Variants in MAPRE1 observed in about 807,000 individuals in gnomAD.
MAPRE1 encodes the protein microtubule-associated protein RP/EB family member 1.
A neutral mutation model predicts 32.1 loss-of-function variants in MAPRE1; 5 were observed. That is an observed-to-expected ratio of 0.16 (90% CI 0.08 to 0.33). The LOEUF (loss-of-function observed/expected upper bound fraction) is 0.33. Ranked by LOEUF, MAPRE1 falls within the 10% of genes least tolerant of loss-of-function variation. MAPRE1 has a pLI of 1.00. For synonymous variants in MAPRE1, 122 were observed against 118.9 expected (o/e 1.03, Z -0.17); for missense variants, 209 against 327.2 (o/e 0.64, Z 2.79).
At chr20:32,835,439 T>A (rs1358706040) in intron 3 of MAPRE1, among the ~76,000 whole-genome samples, 2 of 141,556 alleles carry the variant, frequency 1.4e-5, no homozygotes, top group East Asian at 4.9e-4. Context: ...CAAGCAGTCC[T>A]CAAGATAGCT....
intron 6 of MAPRE1, among the ~76,000 whole-genome samples, chr20:32,848,431 C>T (rs1983563768): frequency 6.6e-6 from 1 of 152,160 alleles, no homozygotes; most frequent in Non-Finnish European, 1.5e-5. Flanking sequence ...GAAATTACCA[C>T]CATAATGAAG....
In MAPRE1 at chr20:32,836,309, C is replaced by T. The variant is rs368887340; in HGVS notation, c.268-325C>T. On this transcript the variant is annotated intron_variant, in intron 3 of 6. Transcript: ENST00000375571. ...CCATGCAAGTTATATAGCGGACCTA[C>T]TCTTTATAGCATAATGCACTTTTGT... Among the ~76,000 whole-genome samples the T allele has an allele frequency of 6.6e-5, 10 of 152,226 alleles. No homozygotes were observed. In the East Asian group the frequency reaches 1.5e-3, roughly 23 times the overall value.
intron 1 of MAPRE1, among the ~76,000 whole-genome samples, chr20:32,822,685 G>A (rs1982735933): frequency 6.6e-6 from 1 of 152,088 alleles, no homozygotes. Flanking sequence ...GGTACATTGA[G>A]TTTAAGTAAC....
intron 2 of MAPRE1, among the ~76,000 whole-genome samples, chr20:32,832,493 GTCTC>G (rs1216619598): frequency 6.8e-6 from 1 of 146,032 alleles, no homozygotes; most frequent in South Asian, 2.1e-4. Flanking sequence ...TTGAGACGAG[GTCTC>G]TCTCTGTCCC....
intron 5 of MAPRE1, 92 bp downstream of exon 5, chr20:32,839,948 C>G (rs771422902): frequency 6.5e-7 from 1 of 1,547,936 alleles, no homozygotes; most frequent in Admixed American, 1.8e-5. Context: ...TAAATGAACA[C>G]CTGCCTTGTT....
intron 3 of MAPRE1, among the ~76,000 whole-genome samples, chr20:32,834,472 AATAG>A (rs1983129508): frequency 6.6e-6 from 1 of 151,568 alleles, no homozygotes; most frequent in Non-Finnish European, 1.5e-5. Flanking sequence ...TTTAGTAGAT[AATAG>A]ATTAAGTAGT....
At chr20:32,845,253 C>A (rs1438257667) in intron 5 of MAPRE1, among the ~76,000 whole-genome samples, 1 of 152,164 alleles carries the variant, frequency 6.6e-6, no homozygotes, top group East Asian at 1.9e-4. Context: ...GTTGCCCAGG[C>A]TGGTCTCAAG....
At chr20:32,839,052 A>C (rs541261143) in intron 4 of MAPRE1, among the ~76,000 whole-genome samples, 8 of 152,308 alleles carry the variant, frequency 5.3e-5, no homozygotes, top group Non-Finnish European at 7.4e-5. Context: ...ACGTCTATAA[A>C]TACTAGTCAG....
intron 6 of MAPRE1, among the ~76,000 whole-genome samples, chr20:32,847,289 T>C (rs936377967): frequency 6.6e-6 from 1 of 152,258 alleles, no homozygotes; most frequent in East Asian, 1.9e-4. Context: ...GATCCATGTT[T>C]ATTGCACAGT....
intron 5 of MAPRE1, among the ~76,000 whole-genome samples, chr20:32,841,019 T>A (rs1255749351): frequency 6.6e-6 from 1 of 152,080 alleles, no homozygotes; most frequent in Non-Finnish European, 1.5e-5. Flanking sequence ...TTTCACCATA[T>A]TGGCCAGGCT....
chr20:32,836,145 G>A (rs2146131821), intron 3 of MAPRE1, among the ~76,000 whole-genome samples: 1 of 152,116 alleles, frequency 6.6e-6, no homozygotes, highest in South Asian at 2.1e-4. Context: ...ATTTTTGGTA[G>A]AGCCTAGGTG....
chr20:32,834,003 A>G, intron 3 of MAPRE1, 141 bp downstream of exon 3: 1 of 778,570 alleles, frequency 1.3e-6, no homozygotes, highest in Non-Finnish European at 1.9e-6. Context: ...CACAGAATTT[A>G]CTGGGAGCAG....
chr20:32,840,026 A>AAG (rs1983317116), intron 5 of MAPRE1, among the ~76,000 whole-genome samples, 170 bp downstream of exon 5: 1 of 152,172 alleles, frequency 6.6e-6, no homozygotes, highest in Non-Finnish European at 1.5e-5. Flanking sequence ...GTGGAGATGT[A>AAG]AGAGAGAGAT....
chr20:32,840,085 C>T (rs980535319), intron 5 of MAPRE1, among the ~76,000 whole-genome samples: 2 of 152,164 alleles, frequency 1.3e-5, no homozygotes, highest in African/African-American at 4.8e-5. Context: ...TGCTCGGAAG[C>T]CAGTGCTTAG....
At chr20:32,840,315 G>A (rs1158305505) in intron 5 of MAPRE1, among the ~76,000 whole-genome samples, 4 of 152,068 alleles carry the variant, frequency 2.6e-5, no homozygotes, top group African/African-American at 9.7e-5. Context: ...TGGGTGATTC[G>A]AAATGTCTTC....
intron 2 of MAPRE1, among the ~76,000 whole-genome samples, chr20:32,830,499 G>A (rs912103565): frequency 2.0e-5 from 3 of 152,136 alleles, no homozygotes; most frequent in Middle Eastern, 3.2e-3. Context: ...CAGTGTCCCA[G>A]GCCTGAGAAG....
intron 2 of MAPRE1, among the ~76,000 whole-genome samples, chr20:32,826,961 C>T (rs949977286): frequency 5.3e-5 from 8 of 152,182 alleles, no homozygotes; most frequent in African/African-American, 9.7e-5. Context: ...TATTTGAGGA[C>T]AGTAATTGTA....
Position 32,839,785 on chromosome 20 carries a change from G to A in MAPRE1, c.526G>A (p.Gly176Ser). The A allele has an allele frequency of 6.2e-7, 1 of 1,614,224 alleles. No individual in the cohort carries two copies. The highest frequency in any genetic ancestry group is 1.1e-5 in the South Asian group (1 of 91,084). The change falls in exon 5 of 7, where the codon GGC (glycine) becomes AGC (serine). Residue 176 changes from glycine to serine, a missense_variant. Coordinates refer to ENST00000375571, the MANE Select transcript of MAPRE1 (RefSeq NM_012325.3). ...TQRTAAAPKA[G>S]PGVVRKNPGV... Reference sequence around the variant, plus strand: ...GAGAACCGCTGCGGCTCCTAAGGCTGGCCCTGGTGTGGTGCGAAAGAACCC... The same window carrying A: ...GAGAACCGCTGCGGCTCCTAAGGCTAGCCCTGGTGTGGTGCGAAAGAACCC...
intron 3 of MAPRE1, 99 bp downstream of exon 3, chr20:32,833,961 C>A: frequency 8.5e-7 from 1 of 1,180,894 alleles, no homozygotes; most frequent in Non-Finnish European, 1.2e-6. Flanking sequence ...TCTTTTTTTT[C>A]TTAATTTATC....
Sources: allele counts gnomAD v4.1 joint callset (sites outside exome capture counted in the v4.1 genomes callset), GRCh38; gene constraint gnomAD v4.1.1; transcripts MANE v1.5; gene names NCBI Gene and HGNC (gene_info 2026-07-23, HGNC 2026-07-21).